MEGF10: variants seen among roughly 807,000 people sequenced by gnomAD.
MEGF10 encodes multiple EGF like domains 10, also known as multiple epidermal growth factor-like domains protein 10.
MEGF10 carries 86 observed loss-of-function variants against 147.5 expected under a neutral mutation model. The ratio of observed to expected loss-of-function variants is 0.58; its 90% CI spans 0.49 to 0.70. The LOEUF (loss-of-function observed/expected upper bound fraction) is 0.70, where lower values mean the gene tolerates loss of function less well. Among genes scored for constraint, MEGF10 ranks in the 30% least tolerant of loss-of-function variants. MEGF10 has a pLI of 0.00. For synonymous variants in MEGF10, 478 were observed against 525.5 expected (o/e 0.91, Z 1.24); for missense variants, 1,329 against 1,487.3 (o/e 0.89, Z 1.75).
At chr5:127,358,814 G>A (rs2126835616) in intron 4 of MEGF10, among the ~76,000 whole-genome samples, 1 of 152,262 alleles carries the variant, frequency 6.6e-6, no homozygotes, top group South Asian at 2.1e-4. Flanking sequence ...TCCAGTGCTG[G>A]TTAACATTTT....
At chr5:127,299,442 C>A (rs1324633629) in intron 1 of MEGF10, among the ~76,000 whole-genome samples, 1 of 152,176 alleles carries the variant, frequency 6.6e-6, no homozygotes, top group East Asian at 1.9e-4. Flanking sequence ...CCCTCCCTCA[C>A]CCCTAACTTT....
intron 1 of MEGF10, among the ~76,000 whole-genome samples, chr5:127,300,874 G>C (rs1376524340): frequency 6.6e-6 from 1 of 152,128 alleles, no homozygotes; most frequent in Non-Finnish European, 1.5e-5. Context: ...GAGATCAATA[G>C]TGTTAGCAGA....
the MEGF10 span, among the ~76,000 whole-genome samples, chr5:127,266,373 C>T: frequency 2.6e-5 from 4 of 152,040 alleles, no homozygotes; most frequent in Non-Finnish European, 4.4e-5. Flanking sequence ...CAGCTTTGTT[C>T]TTTTGGCTTA....
Position 127,359,292 on chromosome 5 carries a change from T to TC in MEGF10, c.320-10617dup, listed in dbSNP as rs1248773951. On this transcript the variant is annotated intron_variant, in intron 4 of 24. Coordinates refer to ENST00000503335, the MANE Select transcript of MEGF10 (RefSeq NM_001256545.2). ...GAGTGTTAGCTCAGATTTTTTTTTTTCTCTATGGAGAGAGGGCTCTTTGCC... is the reference window on the plus strand; with the variant it reads ...GAGTGTTAGCTCAGATTTTTTTTTTTCCTCTATGGAGAGAGGGCTCTTTGCC... Among the ~76,000 whole-genome samples, 8 of 151,634 alleles carry TC rather than the reference T, an allele frequency of 5.3e-5. No individual in the cohort carries two copies. In the East Asian group the frequency reaches 1.2e-3, roughly 22 times the overall value.
At chr5:127,413,699 C>A (rs1764655976) in intron 9 of MEGF10, among the ~76,000 whole-genome samples, 1 of 152,190 alleles carries the variant, frequency 6.6e-6, no homozygotes, top group Non-Finnish European at 1.5e-5. Flanking sequence ...GCTTCTACAA[C>A]AACATGTAAA....
rs565994261 is a variant in MEGF10, at chr5:127,453,882, G to A, written c.2981-684G>A. The stretch of plus-strand genomic sequence containing the variant: ...GATTGATTTCTGTAAGTGGTTGCAC[G>A]TTCTCTTGCCTACATGCTCAATTTT... On this transcript the variant is annotated intron_variant, in intron 22 of 24. Transcript: ENST00000503335. Among the ~76,000 whole-genome samples the A allele has an allele frequency of 5.3e-5, 8 of 152,282 alleles. No individual in the cohort carries two copies. In the South Asian group the frequency reaches 1.0e-3, roughly 20 times the overall value.
chr5:127,428,119 G>A (rs1306421318), intron 13 of MEGF10, among the ~76,000 whole-genome samples: 1 of 149,400 alleles, frequency 6.7e-6, no homozygotes, highest in East Asian at 1.9e-4. Flanking sequence ...GGTCCAGACT[G>A]AGGCAGGCCA....
Position 127,439,922 on chromosome 5 carries a change from G to A in MEGF10, c.2234-817G>A, listed in dbSNP as rs571861093. Among the ~76,000 whole-genome samples, 5 of 152,320 alleles carry A rather than the reference G, an allele frequency of 3.3e-5. No homozygotes were observed. In the East Asian group the frequency reaches 7.7e-4, roughly 23 times the overall value. ...AAATGCATGACAGCAGGGAGTCATC[G>A]GTGCATACTGGCATCTGGGCACTGC... is the stretch of plus-strand genomic sequence containing the variant. On this transcript the variant is annotated intron_variant, in intron 17 of 24. Coordinates refer to ENST00000503335, the MANE Select transcript of MEGF10 (RefSeq NM_001256545.2).
At chr5:127,405,049 G>C (rs1764273385) in intron 8 of MEGF10, among the ~76,000 whole-genome samples, 1 of 152,002 alleles carries the variant, frequency 6.6e-6, no homozygotes. Context: ...TTCTCTCTAG[G>C]GTTGTAAGGA....
the MEGF10 span, among the ~76,000 whole-genome samples, chr5:127,230,870 A>G: frequency 1.6e-4 from 23 of 146,056 alleles, no homozygotes; most frequent in African/African-American, 5.7e-4. Context: ...GAACTGTGGT[A>G]TTTTAGTGCC....
intron 4 of MEGF10, among the ~76,000 whole-genome samples, chr5:127,347,546 G>A (rs553078429): frequency 2.2e-4 from 34 of 152,156 alleles, no homozygotes; most frequent in Non-Finnish European, 4.3e-4. Flanking sequence ...AGTTAGAGAA[G>A]CAAGAAGTAT....
At chr5:127,440,089 C>G (rs1052637376) in intron 17 of MEGF10, among the ~76,000 whole-genome samples, 2 of 152,202 alleles carry the variant, frequency 1.3e-5, no homozygotes, top group African/African-American at 4.8e-5. Flanking sequence ...AGCTGCCAGC[C>G]CATGTAAGCC....
At chr5:127,281,559 T>C in the MEGF10 span, among the ~76,000 whole-genome samples, 1 of 152,148 alleles carries the variant, frequency 6.6e-6, no homozygotes, top group Admixed American at 6.5e-5. Flanking sequence ...GAATTGTGTG[T>C]ACATTGCTTC....
At chr5:127,332,113 A>G (rs1232042818) in intron 2 of MEGF10, among the ~76,000 whole-genome samples, 1 of 152,024 alleles carries the variant, frequency 6.6e-6, no homozygotes, top group Non-Finnish European at 1.5e-5. Context: ...GATATGAGCA[A>G]TTTGCAGTAG....
intron 1 of MEGF10, among the ~76,000 whole-genome samples, chr5:127,305,401 T>C (rs571220382): frequency 6.6e-6 from 1 of 152,280 alleles, no homozygotes; most frequent in East Asian, 1.9e-4. Context: ...AGCAGAGGCC[T>C]GCCAGTGAGG....
chr5:127,316,580 A>C (rs995867419), intron 1 of MEGF10, among the ~76,000 whole-genome samples: 1 of 152,150 alleles, frequency 6.6e-6, no homozygotes, highest in Non-Finnish European at 1.5e-5. Flanking sequence ...GTATATTAGC[A>C]ATTAAATGAT....
intron 4 of MEGF10, among the ~76,000 whole-genome samples, chr5:127,359,369 A>G (rs781306618): frequency 4.6e-5 from 7 of 151,882 alleles, no homozygotes; most frequent in Non-Finnish European, 1.0e-4. Flanking sequence ...TTGTTTAAAC[A>G]GCTTCATGGA....
intron 5 of MEGF10, among the ~76,000 whole-genome samples, chr5:127,386,411 G>A (rs1763436491): frequency 6.6e-6 from 1 of 152,078 alleles, no homozygotes; most frequent in South Asian, 2.1e-4. Context: ...ACTGAAGTGG[G>A]GATTGCTAAG....
intron 1 of MEGF10, among the ~76,000 whole-genome samples, chr5:127,308,077 C>T (rs1760098086): frequency 1.3e-5 from 2 of 152,130 alleles, no homozygotes; most frequent in Admixed American, 1.3e-4. Context: ...CTCTTTTCTC[C>T]CTGTAGGTAT....
Sources: gnomAD v4.1 joint callset for allele counts (sites outside exome capture counted in the v4.1 genomes callset) on GRCh38, gnomAD v4.1.1 for gene constraint, MANE v1.5 for transcripts, NCBI Gene and HGNC (gene_info 2026-07-23, HGNC 2026-07-21) for gene names.